Variants in CADM2 observed in about 807,000 individuals in gnomAD.
The protein encoded by CADM2 is cell adhesion molecule 2, also known as immunoglobulin superfamily member 4D.
Under a neutral mutation model 49.8 loss-of-function variants are expected in CADM2, and 12 were observed. The ratio of observed to expected loss-of-function variants is 0.24; its 90% CI spans 0.15 to 0.39. The LOEUF (loss-of-function observed/expected upper bound fraction) is 0.39, where lower values mean the gene tolerates loss of function less well. CADM2 is among the 10% of genes least tolerant of loss of function. CADM2 has a pLI of 1.00. For missense variants in CADM2, 378 were observed against 492.3 expected, an observed-to-expected ratio of 0.77 and a Z score of 2.20; for synonymous variants, 214 against 175.4, an observed-to-expected ratio of 1.22 and a Z score of -1.74.
intron 1 of CADM2, among the ~76,000 whole-genome samples, chr3:85,474,195 G>A (rs2038885858): frequency 6.6e-6 from 1 of 151,658 alleles, no homozygotes; most frequent in South Asian, 2.1e-4. Flanking sequence ...TGTGTGTAGT[G>A]AGGGATTTAT....
chr3:85,316,001 A>G lies in CADM2; in HGVS notation c.61+356333A>G, dbSNP rs188171695. 1.7e-3 allele frequency among the ~76,000 whole-genome samples: 259 copies of G among 152,284 alleles called. 3 individuals are homozygous for G. The highest frequency in any genetic ancestry group is 3.7e-4 in the Non-Finnish European group (25 of 68,004). On this transcript the variant is annotated intron_variant, in intron 1 of 9. Transcript: ENST00000383699. ...CACACATCTCACACATTGTCTTCTA[A>G]CTGTATTCAGAAATAAATTACATGA...
chr3:84,976,438 A>C (rs2031822298), intron 1 of CADM2, among the ~76,000 whole-genome samples: 1 of 151,798 alleles, frequency 6.6e-6, no homozygotes, highest in Non-Finnish European at 1.5e-5. Flanking sequence ...TTTAGTGAAA[A>C]ATCCATCATA....
At chr3:85,093,588 TATTG>T (rs957003122) in intron 1 of CADM2, among the ~76,000 whole-genome samples, 1 of 152,198 alleles carries the variant, frequency 6.6e-6, no homozygotes, top group Non-Finnish European at 1.5e-5. Context: ...ATTTGTAAGC[TATTG>T]ATTAAGGGAA....
chr3:85,318,709 A>G (rs915072374), intron 1 of CADM2, among the ~76,000 whole-genome samples: 6 of 152,200 alleles, frequency 3.9e-5, no homozygotes, highest in Non-Finnish European at 8.8e-5. Context: ...TTAGAATTTT[A>G]AAACTGTGAC....
chr3:85,752,596 C>T (rs1288950999), intron 2 of CADM2, among the ~76,000 whole-genome samples: 2 of 152,044 alleles, frequency 1.3e-5, no homozygotes, highest in East Asian at 3.9e-4. Context: ...TGCATTGTTA[C>T]CCAGGAAGAA....
intron 1 of CADM2, among the ~76,000 whole-genome samples, chr3:85,253,561 C>T (rs2042820957): frequency 1.3e-5 from 2 of 152,130 alleles, no homozygotes; most frequent in African/African-American, 4.8e-5. Flanking sequence ...TGATCTCTGC[C>T]TATAATGCAT....
At chr3:85,129,086 T>G (rs942408575) in intron 1 of CADM2, among the ~76,000 whole-genome samples, 3 of 152,184 alleles carry the variant, frequency 2.0e-5, no homozygotes, top group African/African-American at 7.2e-5. Context: ...TCAAGTTATA[T>G]GTATTGCAGT....
rs537825225 is a variant in CADM2, at chr3:85,805,003, C to T, written c.238+2807C>T. ...TTGTTGCTCAGGGAGTTCAGTGGCA[C>T]GATCTTGGCTCACTGCATCCTCCGC... On this transcript the variant is annotated intron_variant, in intron 3 of 9. Transcript: ENST00000383699. Among the ~76,000 whole-genome samples the T allele has an allele frequency of 1.2e-4, 18 of 152,190 alleles. No individual in the cohort carries two copies. In the South Asian group the frequency reaches 3.1e-3, roughly 26 times the overall value.
At chr3:85,633,357 G>C (rs2064367826) in intron 1 of CADM2, among the ~76,000 whole-genome samples, 10 of 151,984 alleles carry the variant, frequency 6.6e-5, no homozygotes, top group Admixed American at 5.2e-4. Context: ...GCTTGCTGGA[G>C]ATGATAATGC....
At chr3:85,432,229 C>A (rs1265978806) in intron 1 of CADM2, among the ~76,000 whole-genome samples, 3 of 151,734 alleles carry the variant, frequency 2.0e-5, no homozygotes. Flanking sequence ...AGTATCAGTC[C>A]ATTCAGCCTG....
intron 1 of CADM2, among the ~76,000 whole-genome samples, chr3:85,414,058 T>C (rs1179934642): frequency 6.6e-6 from 1 of 152,096 alleles, no homozygotes; most frequent in Non-Finnish European, 1.5e-5. Context: ...AAATACAAGG[T>C]TTCACCATGT....
intron 2 of CADM2, among the ~76,000 whole-genome samples, chr3:85,772,295 T>C (rs1351034997): frequency 1.3e-5 from 2 of 152,066 alleles, no homozygotes; most frequent in Non-Finnish European, 2.9e-5. Flanking sequence ...TAACTCTTCC[T>C]AGTTACGTTT....
At chr3:85,535,701 T>C (rs991991903) in intron 1 of CADM2, among the ~76,000 whole-genome samples, 6 of 152,154 alleles carry the variant, frequency 3.9e-5, no homozygotes, top group African/African-American at 1.4e-4. Flanking sequence ...CCATATTTCC[T>C]CTTTTCAAAG....
chr3:85,436,472 G>A (rs563323858), intron 1 of CADM2, among the ~76,000 whole-genome samples: 1 of 152,062 alleles, frequency 6.6e-6, no homozygotes, highest in East Asian at 1.9e-4. Flanking sequence ...GTGAGAGAGA[G>A]CATCCTTGTC....
At chr3:85,668,462 T>G (rs1052165940) in intron 1 of CADM2, among the ~76,000 whole-genome samples, 1 of 152,124 alleles carries the variant, frequency 6.6e-6, no homozygotes, top group Non-Finnish European at 1.5e-5. Flanking sequence ...AAATCTCATC[T>G]TGAATTGTAA....
At position 85,194,733 on chromosome 3, in the gene CADM2, C is replaced by T. The variant is rs6776820; in HGVS notation, c.61+235065C>T. Among the ~76,000 whole-genome samples the T allele has an allele frequency of 6.9e-3, 1,052 of 151,898 alleles. 10 individuals are homozygous for T. The highest frequency in any genetic ancestry group is 0.023 in the African/African-American group (962 of 41,452). On this transcript the variant is annotated intron_variant, in intron 1 of 9. Coordinates refer to ENST00000383699, the MANE Select transcript of CADM2 (RefSeq NM_001167675.2). Reference sequence around the variant, plus strand: ...CCATTAGAACCACCATACTTGCTACCCAGGAATTACAGTTTTCTCAGCAGC... The same window carrying T: ...CCATTAGAACCACCATACTTGCTACTCAGGAATTACAGTTTTCTCAGCAGC...
At chr3:85,640,723 G>A (rs1489039926) in intron 1 of CADM2, among the ~76,000 whole-genome samples, 6 of 152,148 alleles carry the variant, frequency 3.9e-5, no homozygotes, top group Non-Finnish European at 8.8e-5. Flanking sequence ...CACAAGTCAG[G>A]TTAAACGTCA....
chr3:85,704,231 C>G (rs2066868499), intron 1 of CADM2, among the ~76,000 whole-genome samples: 1 of 152,294 alleles, frequency 6.6e-6, no homozygotes, highest in Non-Finnish European at 1.5e-5. Flanking sequence ...GGGTCCCCAA[C>G]AGAGAGCAGA....
At chr3:85,385,741 A>C (rs566289989) in intron 1 of CADM2, 4 of 147,330 alleles carry the variant, frequency 2.7e-5, no homozygotes, top group African/African-American at 9.9e-5. Context: ...GGAGTTTATT[A>C]TGTTTTGGAC....
Sources: allele counts gnomAD v4.1 joint callset (sites outside exome capture counted in the v4.1 genomes callset), GRCh38; gene constraint gnomAD v4.1.1; transcripts MANE v1.5; gene names NCBI Gene and HGNC (gene_info 2026-07-23, HGNC 2026-07-21).